LMNB1: variants seen among roughly 807,000 people sequenced by gnomAD.
LMNB1 encodes the protein lamin B1, also known as lamin-B1.
LMNB1 carries 23 observed loss-of-function variants against 67.1 expected under a neutral mutation model. The observed-to-expected ratio is 0.34, with a 90% CI of 0.25 to 0.49. The LOEUF is 0.49. Ranked by LOEUF, LMNB1 falls within the 20% of genes least tolerant of loss-of-function variation. The pLI is 0.99. For missense variants in LMNB1, 634 were observed against 746.5 expected (o/e 0.85, Z 1.76); for synonymous variants, 281 against 282.9 (o/e 0.99, Z 0.07).
intron 1 of LMNB1, among the ~76,000 whole-genome samples, chr5:126,787,670 C>T (rs969699120): frequency 1.5e-4 from 22 of 150,100 alleles, no homozygotes; most frequent in Non-Finnish European, 1.5e-4. Flanking sequence ...TCTGCCTCAG[C>T]GTCCCAAGTA....
intron 1 of LMNB1, among the ~76,000 whole-genome samples, chr5:126,802,028 C>G (rs1751298500): frequency 1.3e-5 from 2 of 152,160 alleles, no homozygotes; most frequent in Non-Finnish European, 2.9e-5. Flanking sequence ...CTGTGGAGAC[C>G]CAGCACTTGT....
Position 126,832,701 on chromosome 5 carries a change from C to G in LMNB1, c.1619C>G (p.Ala540Gly). Residue 540 changes from alanine (A) to glycine (G), a missense_variant, in exon 10 of 11, where the codon GCT (alanine) becomes GGT (glycine). Physicochemically the swap from Ala to Gly is moderately conservative, Grantham distance 60 (BLOSUM62 0). Transcript: ENST00000261366. ...AACTACTATTGTTTTTAGGAGGTTG[C>G]TCAAAGAAGTACAGTCTTTAAAACA... ...ILKNSQGEEV[A>G]QRSTVFKTTI... 1 of 1,609,454 alleles carries G rather than the reference C, an allele frequency of 6.2e-7. No individual in the cohort carries two copies. Among genetic ancestry groups the G allele is most frequent in the Admixed American group, 1.7e-5 (1 of 59,906 alleles).
chr5:126,794,863 G>GT (rs1751048419), intron 1 of LMNB1, among the ~76,000 whole-genome samples: 2 of 152,100 alleles, frequency 1.3e-5, no homozygotes, highest in African/African-American at 4.8e-5. Context: ...TAATATATTT[G>GT]TTTTTCTAAA....
At position 126,777,462 on chromosome 5, in the gene LMNB1, A is replaced by C; in HGVS notation, c.-47A>C. 1 of 1,291,982 alleles carries C rather than the reference A, an allele frequency of 7.7e-7. No homozygotes were observed. Among genetic ancestry groups the C allele is most frequent in the Non-Finnish European group, 9.8e-7 (1 of 1,024,656 alleles). The allele number at this position is 1,291,982 out of a possible 1,614,324, so 80.0% of individuals were successfully genotyped here. On this transcript the variant is annotated 5_prime_UTR_variant, in exon 1 of 11. Coordinates refer to ENST00000261366, the MANE Select transcript of LMNB1 (RefSeq NM_005573.4). Reference sequence around the variant, plus strand: ...CGCCCCCTGCCGTCCCCTCCTTATCACGGTCCCGCTCGCGGCCTCGCCGCC... The same window carrying C: ...CGCCCCCTGCCGTCCCCTCCTTATCCCGGTCCCGCTCGCGGCCTCGCCGCC...
At chr5:126,791,501 A>G (rs1159107249) in intron 1 of LMNB1, among the ~76,000 whole-genome samples, 1 of 151,902 alleles carries the variant, frequency 6.6e-6, no homozygotes, top group Non-Finnish European at 1.5e-5. Context: ...ACCCTTGCCC[A>G]GGCTGGAGTG....
At chr5:126,817,942 C>T (rs916623271) in intron 5 of LMNB1, among the ~76,000 whole-genome samples, 6 of 152,042 alleles carry the variant, frequency 3.9e-5, no homozygotes, top group Admixed American at 1.3e-4. Flanking sequence ...AATTACCCAG[C>T]GAGCCACAAG....
chr5:126,831,798 A>G (rs1580559730), intron 9 of LMNB1, among the ~76,000 whole-genome samples: 1 of 152,238 alleles, frequency 6.6e-6, no homozygotes, highest in Non-Finnish European at 1.5e-5. Context: ...TCTTAGTAAC[A>G]GAATAGGATA....
intron 6 of LMNB1, among the ~76,000 whole-genome samples, chr5:126,820,571 G>T (rs1751839707): frequency 6.6e-6 from 1 of 152,102 alleles, no homozygotes; most frequent in African/African-American, 2.4e-5. Context: ...TGTCACCCAG[G>T]CTAGAGTGCA....
At chr5:126,812,171 A>G (rs764316667) in intron 5 of LMNB1, among the ~76,000 whole-genome samples, 23 of 152,310 alleles carry the variant, frequency 1.5e-4, no homozygotes, top group Middle Eastern at 3.4e-3. Context: ...TATTCACTGT[A>G]CTTACCCTAG....
At chr5:126,790,683 T>C (rs1750930974) in intron 1 of LMNB1, among the ~76,000 whole-genome samples, 1 of 152,100 alleles carries the variant, frequency 6.6e-6, no homozygotes, top group African/African-American at 2.4e-5. Flanking sequence ...TACCTTTGGG[T>C]ACCTTGTGTT....
intron 2 of LMNB1, 90 bp from the exon 3 acceptor site, chr5:126,805,481 A>G: frequency 2.3e-6 from 2 of 853,436 alleles, no homozygotes; most frequent in South Asian, 3.5e-5. Context: ...GAATTTTAAC[A>G]CTTGATTTGA....
chr5:126,781,724 C>T (rs1750639201), intron 1 of LMNB1, among the ~76,000 whole-genome samples: 1 of 152,190 alleles, frequency 6.6e-6, no homozygotes, highest in Non-Finnish European at 1.5e-5. Context: ...GCGTGAGCCA[C>T]CATGCCTGGC....
At position 126,804,829 on chromosome 5, in the gene LMNB1, A is replaced by G. The variant is rs1751375355; in HGVS notation, c.413A>G (p.Tyr138Cys). 7.4e-6 allele frequency: 12 copies of G among 1,613,932 alleles called. No homozygotes were observed. Among genetic ancestry groups the G allele is most frequent in the African/African-American group, 1.3e-5 (1 of 74,916 alleles). Reference protein sequence around the residue: ...LNGAQIKLREYEAALNSKDAA... With the variant: ...LNGAQIKLRECEAALNSKDAA... ...GGCGCCCAGATCAAGCTTCGAGAAT[A>G]TGAAGCAGCACTGAATTCGAAAGAT... The change falls in exon 2 of 11, where the codon TAT (tyrosine) becomes TGT (cysteine). Residue 138 changes from tyrosine (Y) to cysteine (C), a missense_variant. Transcript: ENST00000261366.
intron 1 of LMNB1, among the ~76,000 whole-genome samples, chr5:126,780,535 A>G (rs1230510753): frequency 6.6e-6 from 1 of 152,240 alleles, no homozygotes; most frequent in East Asian, 1.9e-4. Flanking sequence ...GAATCAATGA[A>G]ATAATGCATG....
chr5:126,788,230 C>T (rs142954394), intron 1 of LMNB1, among the ~76,000 whole-genome samples: 10 of 152,106 alleles, frequency 6.6e-5, no homozygotes, highest in South Asian at 4.2e-4. Flanking sequence ...TGGTGTTTGC[C>T]GGACTTTAGG....
chr5:126,793,229 TTTC>T (rs1234817418), intron 1 of LMNB1, among the ~76,000 whole-genome samples: 1 of 152,228 alleles, frequency 6.6e-6, no homozygotes, highest in Non-Finnish European at 1.5e-5. Flanking sequence ...GTTATTGGTT[TTTC>T]TTTTTCTTTT....
In LMNB1 at chr5:126,811,917, G is replaced by C; in HGVS notation, c.939+19G>C. 2 of 1,601,116 alleles carry C rather than the reference G, an allele frequency of 1.2e-6. No homozygotes were observed. The highest frequency in any genetic ancestry group is 2.2e-5 in the South Asian group (2 of 90,518). On this transcript the variant is annotated intron_variant, in intron 5 of 10. Transcript: ENST00000261366. Reference sequence around the variant, plus strand: ...GAAAGAGGTAAATAATCATCTTTCTGTAAGAAGTTAGACTTGAAGGCTACC... The same window carrying C: ...GAAAGAGGTAAATAATCATCTTTCTCTAAGAAGTTAGACTTGAAGGCTACC...
chr5:126,795,962 C>T (rs1751080444), intron 1 of LMNB1, among the ~76,000 whole-genome samples: 2 of 53,922 alleles, frequency 3.7e-5, no homozygotes, highest in Admixed American at 2.5e-4. Context: ...GACGGAGTTT[C>T]ACTCTTGTTG....
chr5:126,812,179 T>G (rs1751594208), intron 5 of LMNB1, among the ~76,000 whole-genome samples: 1 of 152,232 alleles, frequency 6.6e-6, no homozygotes, highest in Non-Finnish European at 1.5e-5. Context: ...GTACTTACCC[T>G]AGGACCCGGA....
Sources: allele counts gnomAD v4.1 joint callset (sites outside exome capture counted in the v4.1 genomes callset), GRCh38; gene constraint gnomAD v4.1.1; transcripts MANE v1.5; gene names NCBI Gene and HGNC (gene_info 2026-07-23, HGNC 2026-07-21).